Variants in LONP1 observed in about 807,000 individuals in gnomAD.
LONP1 encodes lon peptidase 1, mitochondrial.
LONP1 carries 31 observed loss-of-function variants against 98.5 expected under a neutral mutation model. That is an observed-to-expected ratio of 0.31 (90% CI 0.24 to 0.42). The LOEUF (loss-of-function observed/expected upper bound fraction) is 0.42. Ranked by LOEUF, LONP1 falls within the 20% of genes least tolerant of loss-of-function variation. LONP1 has a pLI of 1.00. For synonymous variants in LONP1, 781 were observed against 594.7 expected (o/e 1.31, Z -4.56); for missense variants, 1,336 against 1,350.6 (o/e 0.99, Z 0.17).
At chr19:5,708,559 G>T (rs2055185548) in intron 4 of LONP1, 156 bp from the exon 5 acceptor site, 1 of 635,054 alleles carries the variant, frequency 1.6e-6, no homozygotes, top group Non-Finnish European at 2.8e-6. Context: ...GGAGATGGAG[G>T]AGTGCAGTCC....
chr19:5,716,198 C>A (rs2055314697), intron 1 of LONP1, among the ~76,000 whole-genome samples: 1 of 143,084 alleles, frequency 7.0e-6, no homozygotes, highest in Middle Eastern at 3.7e-3. Flanking sequence ...ACAGTGAGAC[C>A]CCATCTCTAT....
At chr19:5,697,572 A>AG (rs1236275711) in intron 10 of LONP1, among the ~76,000 whole-genome samples, 1 of 46,268 alleles carries the variant, frequency 2.2e-5, no homozygotes, top group Non-Finnish European at 4.0e-5. Flanking sequence ...GGGTAGAGGG[A>AG]GGGGGAGGAA....
intron 8 of LONP1, among the ~76,000 whole-genome samples, chr19:5,704,018 A>T (rs2055103604): frequency 6.6e-6 from 1 of 152,192 alleles, no homozygotes; most frequent in South Asian, 2.1e-4. Context: ...CAGGCCTCTC[A>T]CATGGCAGCA....
At chr19:5,708,445 C>T (rs1197465203) in intron 4 of LONP1, 42 bp from the exon 5 acceptor site, 1 of 1,478,030 alleles carries the variant, frequency 6.8e-7, no homozygotes, top group South Asian at 1.1e-5. Flanking sequence ...CAGCAGTGCT[C>T]CAGCAGGGGG....
In LONP1 at chr19:5,698,400, C is replaced by T. The variant is rs768070813; in HGVS notation, c.1685+627G>A. Among the ~76,000 whole-genome samples the T allele has an allele frequency of 7.9e-5, 12 of 152,338 alleles. 1 individual carries two copies. The highest frequency in any genetic ancestry group is 1.4e-4 in the African/African-American group (6 of 41,588). ...ACTGAGGCTACGGTTTCCAAAGAAC[C>T]GCTGTCTACAGAGGCTGGCGAGGAG... is the stretch of plus-strand genomic sequence containing the variant. On this transcript the variant is annotated intron_variant, in intron 10 of 17. Transcript: ENST00000360614.
At chr19:5,698,815 T>C (rs1386071287) in intron 10 of LONP1, among the ~76,000 whole-genome samples, 1 of 152,196 alleles carries the variant, frequency 6.6e-6, no homozygotes, top group African/African-American at 2.4e-5. Flanking sequence ...GGTCAAGCCA[T>C]GGAGGTTCCT....
Position 5,714,178 on chromosome 19 carries a change from C to A in LONP1, c.518+5G>T. On this transcript the variant is annotated splice_donor_5th_base_variant and intron_variant, in intron 2 of 17. Transcript: ENST00000360614. The stretch of plus-strand genomic sequence containing the variant: ...ACAAGGGAATGAAGGAAAAATCACA[C>A]TTACCTGTCATCTCTCTTTAGAAAG... 1 of 1,611,452 alleles carries A rather than the reference C, an allele frequency of 6.2e-7. No individual in the cohort carries two copies. Among genetic ancestry groups the A allele is most frequent in the Non-Finnish European group, 8.5e-7 (1 of 1,178,490 alleles).
chr19:5,708,407 C>CTCCAT lies in LONP1; in HGVS notation c.871-5_871-4insATGGA. On this transcript the variant is annotated splice_region_variant and splice_polypyrimidine_tract_variant and intron_variant, in intron 4 of 17. Coordinates refer to ENST00000360614, the MANE Select transcript of LONP1 (RefSeq NM_004793.4). ...TCACGATCTCTGCAGTCAGGGCCTG[C>CTCCAT]CAAGTATGGGGCAGGGTCGCTGGGG... The CTCCAT allele has an allele frequency of 8.2e-7, 1 of 1,223,196 alleles. No individual in the cohort carries two copies. 75.8% of individuals were successfully genotyped at this position (1,223,196 alleles called of 1,614,324 possible).
intron 1 of LONP1, among the ~76,000 whole-genome samples, chr19:5,719,418 C>A (rs1186502916): frequency 6.6e-6 from 1 of 152,182 alleles, no homozygotes; most frequent in African/African-American, 2.4e-5. Context: ...CTACTCAGGT[C>A]CCTCCCGGCC....
intron 1 of LONP1, among the ~76,000 whole-genome samples, chr19:5,715,643 TAAAAAAAAA>T (rs527565499): frequency 5.1e-4 from 16 of 31,096 alleles, no homozygotes; most frequent in East Asian, 2.2e-3. Context: ...CTCTGTCTCA[TAAAAAAAAA>T]AAAAAAAAAA....
chr19:5,692,777 A>G (rs2054851454), intron 17 of LONP1, among the ~76,000 whole-genome samples: 1 of 152,116 alleles, frequency 6.6e-6, no homozygotes, highest in Non-Finnish European at 1.5e-5. Context: ...TGTCCAATTC[A>G]AGGTGGTCAC....
chr19:5,712,072 T>C, intron 3 of LONP1, 70 bp from the exon 4 acceptor site: 2 of 1,316,078 alleles, frequency 1.5e-6, no homozygotes, highest in Non-Finnish European at 2.1e-6. Context: ...GAGGCCTCCC[T>C]GGTGGCACAG....
rs781114799 is a variant in LONP1 at position 5,696,182 on chromosome 19, G to A, written c.1897-12C>T. ...CAGATGAACAGCACCTGGGGGCGGCGGCAAGGTGCTGGGGGACTGGCCGCT... is the reference window on the plus strand; with the variant it reads ...CAGATGAACAGCACCTGGGGGCGGCAGCAAGGTGCTGGGGGACTGGCCGCT... On this transcript the variant is annotated splice_polypyrimidine_tract_variant and intron_variant, in intron 12 of 17. Transcript: ENST00000360614. The A allele has an allele frequency of 1.1e-4, 178 of 1,612,708 alleles. No homozygotes were observed. The highest frequency in any genetic ancestry group is 1.7e-4 in the Admixed American group (10 of 59,994).
chr19:5,700,625 G>A (rs1486544565), intron 9 of LONP1, among the ~76,000 whole-genome samples, 164 bp downstream of exon 9: 4 of 152,138 alleles, frequency 2.6e-5, no homozygotes, highest in East Asian at 3.9e-4. Flanking sequence ...TCGAGCCCTC[G>A]GGGGCAGGGC....
At position 5,692,205 on chromosome 19, in the gene LONP1, T is replaced by C. The variant is rs1399911723; in HGVS notation, c.2707A>G (p.Lys903Glu). ...ACGATGCACGTCACCCCTGCGCGCT[T>C]GGCCTGGGGGCAGAGTCAGGGTCAG... ...GGIKEKTIAA[K>E]RAGVTCIVLP... is the part of the protein sequence containing the mutation. The change falls in exon 18 of 18, where the codon AAG becomes GAG. Residue 903 changes from lysine to glutamate, a missense_variant. Physicochemically the swap from Lys to Glu is moderately conservative, Grantham distance 56. Coordinates refer to ENST00000360614, the MANE Select transcript of LONP1 (RefSeq NM_004793.4). 1 of 1,611,054 alleles carries C rather than the reference T, an allele frequency of 6.2e-7. No individual in the cohort carries two copies. Among genetic ancestry groups the C allele is most frequent in the South Asian group, 1.1e-5 (1 of 90,762 alleles).
At chr19:5,718,518 G>T (rs76584793) in intron 1 of LONP1, among the ~76,000 whole-genome samples, 4,151 of 151,314 alleles carry the variant, frequency 0.027, 91 homozygotes, top group Non-Finnish European at 0.039. Context: ...CGTTGGAGAA[G>T]CTCCCTCTGT....
intron 8 of LONP1, among the ~76,000 whole-genome samples, chr19:5,703,535 T>C (rs2055094585): frequency 6.6e-6 from 1 of 151,610 alleles, no homozygotes; most frequent in Non-Finnish European, 1.5e-5. Flanking sequence ...ACGGCAGGAT[T>C]GGGGAAGAGG....
rs2054870322 is a variant in LONP1, at chr19:5,693,567, G to A, written c.2523C>T (p.His841=). Residue 841 remains histidine, a synonymous_variant, in exon 16 of 18, where the codon CAC becomes CAT. Coordinates refer to ENST00000360614, the MANE Select transcript of LONP1 (RefSeq NM_004793.4). The part of the protein sequence containing the change: ...ANDYLVTSHI[H]LHVPEGATPK... ...GCGCGGTCACCTCGGGCACATGCAG[G>A]TGGATGTGTGAGGTCACCAGGTAGT... is the stretch of plus-strand genomic sequence containing the variant. The A allele has an allele frequency of 1.2e-6, 2 of 1,613,962 alleles. No homozygotes were observed. The highest frequency in any genetic ancestry group is 2.2e-5 in the South Asian group (2 of 91,094).
intron 14 of LONP1, 73 bp from the exon 15 acceptor site, chr19:5,694,625 C>T (rs2054891676): frequency 1.3e-6 from 2 of 1,544,232 alleles, no homozygotes; most frequent in Middle Eastern, 2.1e-4. Context: ...GTGACGGGCA[C>T]AGAAAGGTGT....
Sources: allele counts gnomAD v4.1 joint callset (sites outside exome capture counted in the v4.1 genomes callset), GRCh38; gene constraint gnomAD v4.1.1; transcripts MANE v1.5; gene names NCBI Gene and HGNC (gene_info 2026-07-23, HGNC 2026-07-21).